Variants in GRXCR1 observed in about 807,000 individuals in gnomAD.
GRXCR1 encodes glutaredoxin and cysteine rich domain containing 1.
A neutral mutation model predicts 27.3 loss-of-function variants in GRXCR1; 27 were observed. That is an observed-to-expected ratio of 0.99 (90% CI 0.73 to 1.37). GRXCR1 has a LOEUF of 1.37. Ranked by LOEUF, GRXCR1 falls within the 40% of genes most tolerant of loss-of-function variation. The pLI, the probability that GRXCR1 is intolerant of heterozygous loss-of-function variation, is 0.00. For synonymous variants in GRXCR1, 122 were observed against 131.1 expected (o/e 0.93, Z 0.47); for missense variants, 379 against 354.4 (o/e 1.07, Z -0.56).
At chr4:42,907,704 G>A (rs944723242) in intron 1 of GRXCR1, among the ~76,000 whole-genome samples, 2 of 152,076 alleles carry the variant, frequency 1.3e-5, no homozygotes, top group East Asian at 1.9e-4. Flanking sequence ...TAACCTTGCC[G>A]GTATTTTAAC....
Position 42,944,452 on chromosome 4 carries a change from C to T in GRXCR1, c.385-18440C>T, listed in dbSNP as rs185935556. Among the ~76,000 whole-genome samples the T allele has an allele frequency of 5.1e-4, 78 of 152,122 alleles. 2 individuals carry two copies. The South Asian group carries it at 9.8e-3, about 19-fold the overall frequency. Reference sequence around the variant, plus strand: ...GAAAAGATATCAGAGGTTCAGAGACCGTGCCTTGGGGAATGCCAGTAATTA... The same window carrying T: ...GAAAAGATATCAGAGGTTCAGAGACTGTGCCTTGGGGAATGCCAGTAATTA... On this transcript the variant is annotated intron_variant, in intron 1 of 3. Transcript: ENST00000399770.
At chr4:42,945,904 C>T (rs903121538) in intron 1 of GRXCR1, among the ~76,000 whole-genome samples, 15 of 152,170 alleles carry the variant, frequency 9.9e-5, no homozygotes, top group African/African-American at 3.1e-4. Context: ...TAAACTACCG[C>T]ATTATTTCCT....
At position 42,963,015 on chromosome 4, in the gene GRXCR1, T is replaced by A; in HGVS notation, c.508T>A (p.Phe170Ile). Residue 170 changes from phenylalanine to isoleucine, a missense_variant, in exon 2 of 4, where the codon TTT (phenylalanine) becomes ATT (isoleucine). Phe to Ile is a conservative substitution (Grantham distance 21). Coordinates refer to ENST00000399770, the MANE Select transcript of GRXCR1 (RefSeq NM_001080476.3). ...GATTTTCCAAAACCATCGCGTAAAA[T>A]TTGAAGAGAAAAACATAGCCCTGAA... ...RKIFQNHRVK[F>I]EEKNIALNGE... The A allele has an allele frequency of 1.2e-6, 2 of 1,612,864 alleles. No homozygotes were observed. Among genetic ancestry groups the A allele is most frequent in the Non-Finnish European group, 1.7e-6 (2 of 1,179,164 alleles).
At chr4:43,017,915 C>T (rs2109805949) in intron 2 of GRXCR1, among the ~76,000 whole-genome samples, 1 of 152,136 alleles carries the variant, frequency 6.6e-6, no homozygotes, top group East Asian at 1.9e-4. Flanking sequence ...TTGGAATATG[C>T]AAATGCAGGG....
intron 1 of GRXCR1, among the ~76,000 whole-genome samples, chr4:42,943,331 G>A (rs1162822487): frequency 6.6e-6 from 1 of 152,110 alleles, no homozygotes; most frequent in Admixed American, 6.6e-5. Flanking sequence ...AAGCCTTGAA[G>A]TTAAGTTCTC....
At chr4:43,025,570 A>G (rs1267562152) in intron 3 of GRXCR1, among the ~76,000 whole-genome samples, 1 of 152,188 alleles carries the variant, frequency 6.6e-6, no homozygotes, top group Non-Finnish European at 1.5e-5. Flanking sequence ...TTCAGAGGAG[A>G]GGAGACACAG....
chr4:42,905,106 C>T (rs377452026), intron 1 of GRXCR1, among the ~76,000 whole-genome samples: 2 of 152,216 alleles, frequency 1.3e-5, no homozygotes, highest in African/African-American at 4.8e-5. Flanking sequence ...AACCTGTTGT[C>T]TTGCGGCCAA....
intron 1 of GRXCR1, among the ~76,000 whole-genome samples, chr4:42,950,647 C>A (rs887701209): frequency 1.3e-5 from 2 of 152,160 alleles, no homozygotes; most frequent in East Asian, 1.9e-4. Flanking sequence ...TGATAGATGG[C>A]ATGTTTGTGA....
intron 2 of GRXCR1, among the ~76,000 whole-genome samples, chr4:42,986,671 G>A (rs1711734759): frequency 6.6e-6 from 1 of 152,094 alleles, no homozygotes; most frequent in Non-Finnish European, 1.5e-5. Context: ...ATAATAAACA[G>A]AAAGATTTAG....
chr4:42,987,222 T>TATATATATATTATATATA (rs369022273), intron 2 of GRXCR1, among the ~76,000 whole-genome samples: 3 of 100,594 alleles, frequency 3.0e-5, no homozygotes, highest in African/African-American at 3.8e-5. Context: ...TATATATATA[T>TATATATATATTATATATA]TATATATTAT....
At chr4:42,997,958 C>T (rs1288223890) in intron 2 of GRXCR1, among the ~76,000 whole-genome samples, 1 of 152,138 alleles carries the variant, frequency 6.6e-6, no homozygotes, top group East Asian at 1.9e-4. Flanking sequence ...TTGGCCTCAC[C>T]ATACCTGAAT....
intron 2 of GRXCR1, among the ~76,000 whole-genome samples, chr4:43,000,465 G>T (rs1712315099): frequency 8.4e-6 from 1 of 118,540 alleles, no homozygotes; most frequent in South Asian, 2.9e-4. Flanking sequence ...ACAGAGCGAG[G>T]CTCTATCTTA....
chr4:43,003,298 TATA>T (rs1712440551), intron 2 of GRXCR1, among the ~76,000 whole-genome samples: 1 of 151,934 alleles, frequency 6.6e-6, no homozygotes, highest in African/African-American at 2.4e-5. Flanking sequence ...AAACTTAAAG[TATA>T]ATAATAATAA....
At chr4:42,980,496 A>G (rs1748634308) in intron 2 of GRXCR1, among the ~76,000 whole-genome samples, 1 of 151,996 alleles carries the variant, frequency 6.6e-6, no homozygotes, top group Admixed American at 6.6e-5. Flanking sequence ...ATTGTAGTCA[A>G]GAAAGATACT....
intron 2 of GRXCR1, among the ~76,000 whole-genome samples, chr4:43,009,536 C>A (rs1712671838): frequency 6.6e-6 from 1 of 152,084 alleles, no homozygotes; most frequent in Non-Finnish European, 1.5e-5. Flanking sequence ...GGCTTACAAA[C>A]AACAGAAATT....
chr4:42,988,263 C>A (rs1317054050), intron 2 of GRXCR1, among the ~76,000 whole-genome samples: 2 of 152,096 alleles, frequency 1.3e-5, no homozygotes, highest in Non-Finnish European at 2.9e-5. Context: ...TTTTATAATG[C>A]AAAATGAGGA....
intron 3 of GRXCR1, among the ~76,000 whole-genome samples, chr4:43,026,722 T>C (rs1422971165): frequency 6.6e-6 from 1 of 152,212 alleles, no homozygotes; most frequent in Non-Finnish European, 1.5e-5. Flanking sequence ...ACTTTCTAGT[T>C]ATAACTTGAT....
intron 1 of GRXCR1, among the ~76,000 whole-genome samples, chr4:42,916,797 A>G (rs1168797699): frequency 6.6e-6 from 1 of 152,126 alleles, no homozygotes; most frequent in African/African-American, 2.4e-5. Context: ...GTTCCTCATC[A>G]AAGTTCTACA....
At chr4:43,004,038 G>A (rs1712470385) in intron 2 of GRXCR1, among the ~76,000 whole-genome samples, 2 of 152,372 alleles carry the variant, frequency 1.3e-5, no homozygotes, top group South Asian at 4.1e-4. Context: ...GCCTAGGAGA[G>A]AAAACTGCTT....
Sources: allele counts gnomAD v4.1 joint callset (sites outside exome capture counted in the v4.1 genomes callset), GRCh38; gene constraint gnomAD v4.1.1; transcripts MANE v1.5; gene names NCBI Gene and HGNC (gene_info 2026-07-23, HGNC 2026-07-21).